The following PTPRN2 variants were observed in gnomAD, a reference collection of about 807,000 sequenced individuals.
The protein encoded by PTPRN2 is receptor-type tyrosine-protein phosphatase N2.
A neutral mutation model predicts 118.8 loss-of-function variants in PTPRN2; 74 were observed. The observed-to-expected ratio is 0.62, with a 90% CI of 0.52 to 0.76. The LOEUF is 0.76. Ranked by LOEUF, PTPRN2 falls within the 30% of genes least tolerant of loss-of-function variation. PTPRN2 has a pLI of 0.00. For synonymous variants in PTPRN2, 641 were observed against 608.0 expected (o/e 1.05, Z -0.80); for missense variants, 1,481 against 1,394.4 (o/e 1.06, Z -0.99).
chr7:158,358,104 C>G (rs1808535857), intron 2 of PTPRN2, among the ~76,000 whole-genome samples: 1 of 152,216 alleles, frequency 6.6e-6, no homozygotes. Context: ...TGAACTCAGC[C>G]CAGGACAGTG....
Position 158,495,481 on chromosome 7 carries a change from C to A in PTPRN2, c.113-5696G>T, listed in dbSNP as rs573954781. Among the ~76,000 whole-genome samples the A allele has an allele frequency of 2.6e-5, 4 of 152,178 alleles. No individual in the cohort carries two copies. The East Asian group carries it at 7.8e-4, about 30-fold the overall frequency. The stretch of plus-strand genomic sequence containing the variant: ...GATGTAAATGAGGATGCGCCCTGCC[C>A]ACTGCAGGGGGGGTAAGAGTGAAGC... On this transcript the variant is annotated intron_variant, in intron 1 of 22. Transcript: ENST00000389418.
intron 2 of PTPRN2, among the ~76,000 whole-genome samples, chr7:158,486,531 A>G (rs918934803): frequency 2.6e-5 from 4 of 152,334 alleles, no homozygotes; most frequent in Middle Eastern, 3.4e-3. Flanking sequence ...TTCCAGGATT[A>G]TGTGATTGCT....
chr7:158,002,951 G>A (rs1805378903), intron 11 of PTPRN2, among the ~76,000 whole-genome samples: 1 of 152,184 alleles, frequency 6.6e-6, no homozygotes, highest in Admixed American at 6.5e-5. Flanking sequence ...GGGTTTGGCA[G>A]CACAAGTGGG....
rs1563406649 is a variant in PTPRN2, at chr7:158,534,060, ATGCCC to A, written c.113-44280_113-44276del. Among the ~76,000 whole-genome samples, 1,216 of 150,348 alleles carry A rather than the reference ATGCCC, an allele frequency of 8.1e-3. 177 individuals are homozygous for A. Among genetic ancestry groups the A allele is most frequent in the East Asian group, 0.017 (86 of 4,972 alleles). On this transcript the variant is annotated intron_variant, in intron 1 of 22. Coordinates refer to ENST00000389418, the MANE Select transcript of PTPRN2 (RefSeq NM_002847.5). ...CTGTGGGTGCAGGTTGTGGCCACCC[ATGCCC>A]CGGGCTCCATCAGGGATGGCTGTGG...
At chr7:157,786,831 C>T (rs1254574836) in intron 12 of PTPRN2, among the ~76,000 whole-genome samples, 1 of 152,266 alleles carries the variant, frequency 6.6e-6, no homozygotes, top group Non-Finnish European at 1.5e-5. Context: ...GTGGCACATT[C>T]CAGCGGCTTT....
intron 13 of PTPRN2, among the ~76,000 whole-genome samples, chr7:157,680,992 G>T (rs1438814715): frequency 1.3e-5 from 2 of 151,976 alleles, no homozygotes; most frequent in Non-Finnish European, 2.9e-5. Context: ...CTGCTGGAAG[G>T]GCATGATTTT....
intron 12 of PTPRN2, among the ~76,000 whole-genome samples, chr7:157,683,676 C>T (rs1393213890): frequency 2.0e-5 from 3 of 152,004 alleles, no homozygotes; most frequent in Non-Finnish European, 2.9e-5. Context: ...TCTTGGAGGG[C>T]GGGGGTAGGG....
chr7:157,738,045 G>C (rs1800403443), intron 12 of PTPRN2, among the ~76,000 whole-genome samples: 1 of 152,242 alleles, frequency 6.6e-6, no homozygotes, highest in Admixed American at 6.5e-5. Context: ...TGTTCCTGTG[G>C]AGAGCTGTTA....
rs1158467878 is a variant in PTPRN2 at position 158,188,596 on chromosome 7, AT to A, written c.549+3730del. On this transcript the variant is annotated intron_variant, in intron 5 of 22. Transcript: ENST00000389418. ...GGAAGGCCGCCACGCTCGCCCCCTG[AT>A]GGGGAAGCCCGCCACGCTCGCCCCC... is the stretch of plus-strand genomic sequence containing the variant. Among the ~76,000 whole-genome samples the A allele has an allele frequency of 7.5e-4, 37 of 49,170 alleles. 4 individuals carry two copies. The highest frequency in any genetic ancestry group is 1.1e-3 in the Non-Finnish European group (23 of 21,652). The allele number at this position is 49,170 out of a possible 152,430, so 32.3% of individuals were successfully genotyped here.
At position 158,325,549 on chromosome 7, in the gene PTPRN2, G is replaced by A. The variant is rs116697292; in HGVS notation, c.164-8617C>T. 4.9e-3 allele frequency among the ~76,000 whole-genome samples: 751 copies of A among 152,266 alleles called. 10 individuals carry two copies. The highest frequency in any genetic ancestry group is 0.017 in the African/African-American group (715 of 41,554). ...GTGTAAACAGCATATTAAGGTAAAT[G>A]GTATGCACGTGAAAACTGATTTATC... On this transcript the variant is annotated intron_variant, in intron 2 of 22. Coordinates refer to ENST00000389418, the MANE Select transcript of PTPRN2 (RefSeq NM_002847.5).
rs1373331565 is a variant in PTPRN2, at chr7:157,671,948, A to C, written c.2001+10777T>G. Reference sequence around the variant, plus strand: ...TAAAAGTCTACGCTGTACCCCAAGAAGGGGACGGGTGGGGCAGCAGCCCTG... The same window carrying C: ...TAAAAGTCTACGCTGTACCCCAAGACGGGGACGGGTGGGGCAGCAGCCCTG... On this transcript the variant is annotated intron_variant, in intron 13 of 22. Coordinates refer to ENST00000389418, the MANE Select transcript of PTPRN2 (RefSeq NM_002847.5). This position sits in a 1 kb window ranked among gnomAD's most constrained non-coding sequence, Gnocchi z 4.1. Among the ~76,000 whole-genome samples, 3 of 152,024 alleles carry C rather than the reference A, an allele frequency of 2.0e-5. No individual in the cohort carries two copies. Among genetic ancestry groups the C allele is most frequent in the Non-Finnish European group, 4.4e-5 (3 of 68,006 alleles).
chr7:158,068,464 C>G (rs943218361), intron 11 of PTPRN2, among the ~76,000 whole-genome samples: 7 of 152,178 alleles, frequency 4.6e-5, no homozygotes, highest in African/African-American at 1.7e-4. Flanking sequence ...GCACTCGGCA[C>G]CACCTTTGCA....
At chr7:158,557,720 GT>G (rs758251984) in intron 1 of PTPRN2, among the ~76,000 whole-genome samples, 5 of 152,210 alleles carry the variant, frequency 3.3e-5, no homozygotes, top group Non-Finnish European at 5.9e-5. Context: ...AACCTGGGAT[GT>G]TTGTGCTCAA....
intron 12 of PTPRN2, among the ~76,000 whole-genome samples, chr7:157,809,771 C>T (rs73746635): frequency 0.014 from 2,060 of 152,190 alleles, 48 homozygotes; most frequent in African/African-American, 0.045. Flanking sequence ...GCTTCCGGCC[C>T]GCGGTCCCGT....
At chr7:157,850,316 G>A (rs1044844848) in intron 12 of PTPRN2, among the ~76,000 whole-genome samples, 1 of 88,970 alleles carries the variant, frequency 1.1e-5, no homozygotes, top group Non-Finnish European at 2.4e-5. Flanking sequence ...CCAGGTCTCC[G>A]AATTTCCGAC....
intron 2 of PTPRN2, among the ~76,000 whole-genome samples, chr7:158,479,550 C>G (rs1397028862): frequency 6.6e-6 from 1 of 152,246 alleles, no homozygotes; most frequent in Admixed American, 6.5e-5. Flanking sequence ...AGACGCAGAG[C>G]TGTTCTGTTT....
rs191881002 is a variant in PTPRN2, at chr7:157,964,969, G to A, written c.1724-66232C>T. Among the ~76,000 whole-genome samples, 48 of 152,292 alleles carry A rather than the reference G, an allele frequency of 3.2e-4. No individual in the cohort carries two copies. The highest frequency in any genetic ancestry group is 2.5e-3 in the East Asian group (13 of 5,186). ...TGGGAGTGAGTGTCAGTGCCGTAGC[G>A]GAACACAGGGATCTGAGGCACAAGG... On this transcript the variant is annotated intron_variant, in intron 11 of 22. Transcript: ENST00000389418. This position sits in a 1 kb window ranked among gnomAD's most constrained non-coding sequence, Gnocchi z 9.0.
intron 12 of PTPRN2, among the ~76,000 whole-genome samples, chr7:157,684,871 G>A (rs567204828): frequency 1.3e-5 from 2 of 152,106 alleles, no homozygotes; most frequent in African/African-American, 4.8e-5. Flanking sequence ...CGGCGCGAGG[G>A]ACCCTAGAGC....
Position 158,192,471 on chromosome 7 carries a change from G to T in PTPRN2, c.405C>A (p.Ser135Arg). Residue 135 changes from serine (S) to arginine (R), a missense_variant, in exon 5 of 23, where the codon AGC (serine) becomes AGA (arginine). This residue lies in a region of PTPRN2 where 1,115 missense variants were observed against 994.2 expected (regional missense o/e 1.12). Transcript: ENST00000389418. Reference protein sequence around the residue: ...PARPSKHSVGSERRYSREGGA... With the variant: ...PARPSKHSVGRERRYSREGGA... Reference sequence around the variant, plus strand: ...CGCCCTCCCGACTGTACCTCCTCTCGCTGCCAACGCTGTGTTTTGAGGGCC... The same window carrying T: ...CGCCCTCCCGACTGTACCTCCTCTCTCTGCCAACGCTGTGTTTTGAGGGCC... 1 of 1,578,122 alleles carries T rather than the reference G, an allele frequency of 6.3e-7. No homozygotes were observed.
Sources: gnomAD v4.1 joint callset for allele counts (sites outside exome capture counted in the v4.1 genomes callset) on GRCh38, gnomAD v4.1.1 for gene constraint, gnomAD v4.1.1 regional missense constraint, Gnocchi (gnomAD v3.1) non-coding constraint, MANE v1.5 for transcripts, NCBI Gene and HGNC (gene_info 2026-07-23, HGNC 2026-07-21) for gene names.